SLIT3: variants seen among roughly 807,000 people sequenced by gnomAD.
SLIT3 encodes slit guidance ligand 3.
SLIT3 carries 68 observed loss-of-function variants against 184.0 expected under a neutral mutation model. The ratio of observed to expected loss-of-function variants is 0.37; its 90% CI spans 0.30 to 0.45. The LOEUF (loss-of-function observed/expected upper bound fraction) is 0.45, where lower values mean the gene tolerates loss of function less well. Ranked by LOEUF, SLIT3 falls within the 20% of genes least tolerant of loss-of-function variation. The probability of loss-of-function intolerance (pLI) is 1.00; values close to 1 mark genes in which losing one functional copy is unlikely to be tolerated. For missense variants in SLIT3, 1,707 were observed against 2,026.0 expected, an observed-to-expected ratio of 0.84 and a Z score of 3.02; for synonymous variants, 831 against 828.6, an observed-to-expected ratio of 1.00 and a Z score of -0.05.
intron 3 of SLIT3, among the ~76,000 whole-genome samples, chr5:169,210,107 A>G (rs1764211289): frequency 6.6e-6 from 1 of 152,142 alleles, no homozygotes; most frequent in Admixed American, 6.5e-5. Context: ...GTGCCACAAA[A>G]CACAGAAGCT....
At chr5:169,099,079 A>C (rs573472280) in intron 4 of SLIT3, among the ~76,000 whole-genome samples, 4 of 152,084 alleles carry the variant, frequency 2.6e-5, no homozygotes, top group African/African-American at 9.6e-5. Flanking sequence ...TGAGGATTTA[A>C]AGCAAGCATC....
At chr5:168,983,915 T>G (rs1296205504) in intron 4 of SLIT3, among the ~76,000 whole-genome samples, 2 of 152,112 alleles carry the variant, frequency 1.3e-5, no homozygotes, top group Admixed American at 1.3e-4. Context: ...AAGAGAGGCC[T>G]GGCTCACGCC....
intron 4 of SLIT3, among the ~76,000 whole-genome samples, chr5:169,170,243 T>C (rs2113415129): frequency 6.6e-6 from 1 of 152,320 alleles, no homozygotes; most frequent in Middle Eastern, 3.4e-3. Context: ...CTAGGCACCC[T>C]ATTCTTTGGG....
intron 1 of SLIT3, among the ~76,000 whole-genome samples, chr5:169,269,121 G>A (rs765793502): frequency 4.6e-5 from 7 of 152,176 alleles, no homozygotes; most frequent in Non-Finnish European, 8.8e-5. Flanking sequence ...GGACTTGAAG[G>A]TGCCCAGCTT....
At chr5:169,215,773 C>T (rs1421772) in intron 3 of SLIT3, among the ~76,000 whole-genome samples, 1 of 152,148 alleles carries the variant, frequency 6.6e-6, no homozygotes, top group South Asian at 2.1e-4. Flanking sequence ...ATAAATGATA[C>T]ATTTCAAAGG....
intron 5 of SLIT3, among the ~76,000 whole-genome samples, chr5:168,870,119 G>A (rs775416540): frequency 1.3e-5 from 2 of 152,232 alleles, no homozygotes; most frequent in Non-Finnish European, 2.9e-5. Flanking sequence ...CAGTATTGCG[G>A]CAGAGATCTC....
intron 4 of SLIT3, among the ~76,000 whole-genome samples, chr5:168,945,155 T>C (rs958648496): frequency 1.1e-4 from 16 of 152,008 alleles, no homozygotes; most frequent in African/African-American, 3.6e-4. Context: ...TGATAACATA[T>C]CAGGGAGTTG....
chr5:168,935,961 C>T (rs1289874669), intron 4 of SLIT3, among the ~76,000 whole-genome samples: 1 of 152,186 alleles, frequency 6.6e-6, no homozygotes, highest in Non-Finnish European at 1.5e-5. Flanking sequence ...ATGCATCAGG[C>T]TGAAAGCAAA....
In SLIT3 at chr5:169,108,432, G is replaced by C. The variant is rs184392169; in HGVS notation, c.413+85047C>G. Among the ~76,000 whole-genome samples, 440 of 152,316 alleles carry C rather than the reference G, an allele frequency of 2.9e-3. 8 individuals carry two copies. The South Asian group carries it at 0.03, about 10-fold the overall frequency. Reference sequence around the variant, plus strand: ...TTCTACCATGGATCCAAAGTCCAGAGGAATCTTTCAGAGAGATGTTCCTCC... The same window carrying C: ...TTCTACCATGGATCCAAAGTCCAGACGAATCTTTCAGAGAGATGTTCCTCC... On this transcript the variant is annotated intron_variant, in intron 4 of 35. Transcript: ENST00000519560.
chr5:168,741,477 T>TTAAAAAAAAA (rs1763636354), intron 20 of SLIT3, among the ~76,000 whole-genome samples: 1 of 31,682 alleles, frequency 3.2e-5, no homozygotes, highest in Admixed American at 4.6e-4. Flanking sequence ...AGACTCGGTC[T>TTAAAAAAAAA]CAAAAAAAAA....
intron 4 of SLIT3, among the ~76,000 whole-genome samples, chr5:169,108,177 A>G (rs1285911955): frequency 6.6e-6 from 1 of 152,250 alleles, no homozygotes; most frequent in African/African-American, 2.4e-5. Context: ...CATGCAGAGT[A>G]AACAAAAAGT....
chr5:169,251,301 A>G (rs1765765888), intron 2 of SLIT3, 87 bp downstream of exon 2: 1 of 879,124 alleles, frequency 1.1e-6, no homozygotes, highest in Non-Finnish European at 1.9e-6. Context: ...AGGGCTTGGG[A>G]GTGTGATGTC....
In SLIT3 at chr5:168,662,328, C is replaced by A. The variant is rs1282815027; in HGVS notation, c.*4126G>T. The A allele has an allele frequency of 6.6e-6, 1 of 152,260 alleles. No homozygotes were observed. The highest frequency in any genetic ancestry group is 1.5e-5 in the Non-Finnish European group (1 of 68,076). 9.4% of individuals were successfully genotyped at this position (152,260 alleles called of 1,614,324 possible). ...TGTTGCTATGGGCTTCTGCTCCCAG[C>A]AAAGGCAGTGGGTGACTGCTTGACT... On this transcript the variant is annotated 3_prime_UTR_variant, in exon 36 of 36. Transcript: ENST00000519560.
intron 4 of SLIT3, among the ~76,000 whole-genome samples, chr5:169,188,948 T>C (rs1763449758): frequency 6.6e-6 from 1 of 152,120 alleles, no homozygotes. Flanking sequence ...TGCAAGAGCC[T>C]AGAAAGAACA....
At chr5:169,087,996 C>A (rs1339877486) in intron 4 of SLIT3, among the ~76,000 whole-genome samples, 1 of 152,176 alleles carries the variant, frequency 6.6e-6, no homozygotes, top group African/African-American at 2.4e-5. Flanking sequence ...TTTCTCTGGG[C>A]CACCTATAGG....
At chr5:169,120,513 C>G (rs115203654) in intron 4 of SLIT3, among the ~76,000 whole-genome samples, 1,593 of 152,268 alleles carry the variant, frequency 0.01, 33 homozygotes, top group African/African-American at 0.036. Flanking sequence ...GAATTCTCTC[C>G]TAGGATTTTA....
intron 4 of SLIT3, among the ~76,000 whole-genome samples, chr5:169,118,852 T>TA (rs927197862): frequency 6.6e-6 from 1 of 152,236 alleles, no homozygotes; most frequent in African/African-American, 2.4e-5. Flanking sequence ...CCCTTGCTGG[T>TA]AAAGCCCCAG....
At chr5:168,883,395 C>T in intron 4 of SLIT3, 59 bp from the exon 5 acceptor site, 1 of 1,291,054 alleles carries the variant, frequency 7.7e-7, no homozygotes. Context: ...TGATCTGCAT[C>T]TCATTAAATG....
chr5:168,810,618 G>A (rs1757129373), intron 8 of SLIT3, among the ~76,000 whole-genome samples: 1 of 152,214 alleles, frequency 6.6e-6, no homozygotes, highest in African/African-American at 2.4e-5. Context: ...GGGGGACTTG[G>A]TCACCACTTC....
Sources: allele counts gnomAD v4.1 joint callset (sites outside exome capture counted in the v4.1 genomes callset), GRCh38; gene constraint gnomAD v4.1.1; transcripts MANE v1.5; gene names NCBI Gene and HGNC (gene_info 2026-07-23, HGNC 2026-07-21).